DUSP14: variants seen among roughly 807,000 people sequenced by gnomAD.
DUSP14 encodes the protein dual specificity phosphatase 14.
DUSP14 carries 5 observed loss-of-function variants against 13.2 expected under a neutral mutation model. The ratio of observed to expected loss-of-function variants is 0.38; its 90% confidence interval spans 0.20 to 0.80. The LOEUF is 0.80. DUSP14 is among the 30% of genes least tolerant of loss of function. DUSP14 has a pLI of 0.44. For missense variants in DUSP14, 185 were observed against 264.0 expected (o/e 0.70, Z 2.07); for synonymous variants, 91 against 103.4 (o/e 0.88, Z 0.73).
At chr17:37,495,850 G>C (rs570625879) in intron 1 of DUSP14, among the ~76,000 whole-genome samples, 1 of 152,166 alleles carries the variant, frequency 6.6e-6, no homozygotes, top group Admixed American at 6.5e-5. Flanking sequence ...AGTAGAGACA[G>C]GGTTTCACCA....
At chr17:37,509,184 A>G (rs1243915982) in intron 1 of DUSP14, among the ~76,000 whole-genome samples, 1 of 111,828 alleles carries the variant, frequency 8.9e-6, no homozygotes, top group Non-Finnish European at 1.8e-5. Flanking sequence ...ATATATATGT[A>G]CTATGTATAT....
chr17:37,511,603 T>TTTTTTTTTTAA (rs1232617543), intron 2 of DUSP14, among the ~76,000 whole-genome samples: 4 of 142,352 alleles, frequency 2.8e-5, no homozygotes, highest in Admixed American at 7.0e-5. Context: ...TTTTTTTTTT[T>TTTTTTTTTTAA]AGAAGCTGGG....
In DUSP14 at chr17:37,489,906, C is replaced by G. The variant is rs1353587213; in HGVS notation, c.-233C>G. ...CGCCCAGCCCGCAGAAGCCGGTGGC[C>G]GCGCAGGAGGACGGAGCCCTAACCG... is the stretch of plus-strand genomic sequence containing the variant. On this transcript the variant is annotated 5_prime_UTR_variant, in exon 1 of 3. Coordinates refer to ENST00000617516, the MANE Select transcript of DUSP14 (RefSeq NM_007026.4). 6.9e-6 allele frequency: 1 copy of G among 144,010 alleles called. No individual in the cohort carries two copies. The highest frequency in any genetic ancestry group is 6.9e-5 in the Admixed American group (1 of 14,392). The allele number at this position is 144,010 out of a possible 1,614,324, so 8.9% of individuals were successfully genotyped here.
At chr17:37,494,207 A>G (rs561503247) in intron 1 of DUSP14, among the ~76,000 whole-genome samples, 9 of 152,062 alleles carry the variant, frequency 5.9e-5, no homozygotes, top group African/African-American at 1.9e-4. Flanking sequence ...GTTAGTCAGA[A>G]TGGTCTTAAT....
intron 1 of DUSP14, chr17:37,510,179 T>C (rs549532880): frequency 3.9e-5 from 6 of 152,406 alleles, no homozygotes; most frequent in African/African-American, 1.4e-4. Flanking sequence ...TGCCTGTCCT[T>C]AGCTTCCTGG....
chr17:37,488,992 G>A (rs2054006903), upstream of DUSP14, among the ~76,000 whole-genome samples: 1 of 152,188 alleles, frequency 6.6e-6, no homozygotes, highest in African/African-American at 2.4e-5. Flanking sequence ...AGGACTCTTA[G>A]GTGCCTTGAC....
chr17:37,508,226 G>A (rs1356629116), intron 1 of DUSP14, among the ~76,000 whole-genome samples: 1 of 152,208 alleles, frequency 6.6e-6, no homozygotes, highest in African/African-American at 2.4e-5. Context: ...CTTCCAGGGG[G>A]AATGCAGACA....
intron 1 of DUSP14, chr17:37,509,758 A>C (rs2054170740): frequency 1.3e-5 from 2 of 152,138 alleles, no homozygotes; most frequent in South Asian, 4.1e-4. Context: ...TATTAAAAAA[A>C]ATGAGGAAAT....
chr17:37,495,586 G>A (rs113258584), intron 1 of DUSP14, among the ~76,000 whole-genome samples: 7,430 of 152,148 alleles, frequency 0.049, 248 homozygotes, highest in Middle Eastern at 0.082. Context: ...GGCAGAGAGC[G>A]CCTTCAAAGC....
chr17:37,500,579 T>C (rs544237384), intron 1 of DUSP14, among the ~76,000 whole-genome samples: 1 of 152,196 alleles, frequency 6.6e-6, no homozygotes, highest in Non-Finnish European at 1.5e-5. Flanking sequence ...TATTGCTGAT[T>C]AGTGATTTTT....
intron 1 of DUSP14, among the ~76,000 whole-genome samples, chr17:37,502,000 C>CA (rs2054108508): frequency 6.6e-6 from 1 of 152,120 alleles, no homozygotes; most frequent in Admixed American, 6.6e-5. Flanking sequence ...TACTGTTATT[C>CA]AGTTGTTTTT....
At chr17:37,497,431 G>A (rs532477044) in intron 1 of DUSP14, among the ~76,000 whole-genome samples, 10 of 152,048 alleles carry the variant, frequency 6.6e-5, no homozygotes, top group Non-Finnish European at 1.0e-4. Context: ...ATGCGCTACC[G>A]CGCCCTGCCT....
At chr17:37,497,284 G>T (rs900535486) in intron 1 of DUSP14, among the ~76,000 whole-genome samples, 1 of 151,894 alleles carries the variant, frequency 6.6e-6, no homozygotes, top group East Asian at 2.0e-4. Context: ...CTGGGATTAC[G>T]GGCACATGCC....
upstream of DUSP14, chr17:37,489,735 G>A (rs2054012175): frequency 6.6e-6 from 1 of 150,690 alleles, no homozygotes; most frequent in South Asian, 2.1e-4. Flanking sequence ...CAGAAGCCCA[G>A]CGCGCACGCG....
chr17:37,501,082 A>G (rs115315177), intron 1 of DUSP14, among the ~76,000 whole-genome samples: 35 of 152,294 alleles, frequency 2.3e-4, no homozygotes, highest in African/African-American at 8.4e-4. Flanking sequence ...TTTTCAATGT[A>G]GAGTCTGGGA....
At chr17:37,503,555 T>G (rs1266755237) in intron 1 of DUSP14, among the ~76,000 whole-genome samples, 1 of 152,220 alleles carries the variant, frequency 6.6e-6, no homozygotes, top group African/African-American at 2.4e-5. Flanking sequence ...CCGCATTATA[T>G]AAACTCAGTG....
chr17:37,497,317 A>G (rs570109029), intron 1 of DUSP14, among the ~76,000 whole-genome samples: 76 of 152,134 alleles, frequency 5.0e-4, no homozygotes, highest in African/African-American at 1.6e-3. Flanking sequence ...TAATTTTTGT[A>G]TTTTTAATAG....
chr17:37,503,385 C>G (rs2054117543), intron 1 of DUSP14, among the ~76,000 whole-genome samples: 1 of 152,140 alleles, frequency 6.6e-6, no homozygotes, highest in Admixed American at 6.5e-5. Flanking sequence ...AAAATCATAC[C>G]ACTGCACTCC....
intron 1 of DUSP14, among the ~76,000 whole-genome samples, chr17:37,505,550 G>T (rs2054132251): frequency 1.3e-5 from 2 of 151,330 alleles, no homozygotes; most frequent in South Asian, 4.2e-4. Context: ...AAGCACTGTT[G>T]TGGCCATTTT....
Sources: gnomAD v4.1 joint callset for allele counts (sites outside exome capture counted in the v4.1 genomes callset) on GRCh38, gnomAD v4.1.1 for gene constraint, MANE v1.5 for transcripts, NCBI Gene and HGNC (gene_info 2026-07-23, HGNC 2026-07-21) for gene names.